Variants in SPATA17 observed in about 807,000 individuals in gnomAD.
SPATA17 encodes spermatogenesis-associated protein 17.
A neutral mutation model predicts 62.2 loss-of-function variants in SPATA17; 53 were observed. The ratio of observed to expected loss-of-function variants is 0.85; its 90% CI spans 0.68 to 1.07. The LOEUF (loss-of-function observed/expected upper bound fraction) is 1.07, where lower values mean the gene tolerates loss of function less well. Among genes scored for constraint, SPATA17 ranks in the 50% least tolerant of loss-of-function variants. The pLI, the probability that SPATA17 is intolerant of heterozygous loss-of-function variation, is 0.00. For synonymous variants in SPATA17, 146 were observed against 146.8 expected (o/e 0.99, Z 0.04); for missense variants, 466 against 425.5 (o/e 1.10, Z -0.84).
Position 217,742,066 on chromosome 1 carries a change from C to A in SPATA17, c.487C>A (p.Arg163=). ...REEKKRDYQA[R]KMHYLLSTKQ... ...AGAGAAGAAAAGAGATTACCAAGCC[C>A]GAAAGATGCATTACCTCCTCAGCAC... is the stretch of plus-strand genomic sequence containing the variant. The change falls in exon 6 of 11, where the codon CGA becomes AGA. Residue 163 remains arginine, a synonymous_variant. Transcript: ENST00000366933. The A allele has an allele frequency of 6.2e-7, 1 of 1,614,054 alleles. No homozygotes were observed.
At position 217,782,276 on chromosome 1, in the gene SPATA17, G is replaced by C; in HGVS notation, c.826G>C (p.Glu276Gln). Residue 276 changes from glutamate to glutamine, a missense_variant, in exon 8 of 11, where the codon GAG becomes CAG. Glu to Gln is a conservative substitution (Grantham distance 29, BLOSUM62 2). Coordinates refer to ENST00000366933, the MANE Select transcript of SPATA17 (RefSeq NM_138796.4). ...EPIDELKLAR[E>Q]ELRREEWLQN... The stretch of plus-strand genomic sequence containing the variant: ...AATCGATGAGTTAAAGTTGGCCAGA[G>C]AGGAGCTCAGAAGAGAGGAATGGCT... The C allele has an allele frequency of 1.2e-6, 2 of 1,612,396 alleles. No homozygotes were observed. Among genetic ancestry groups the C allele is most frequent in the Non-Finnish European group, 1.7e-6 (2 of 1,179,010 alleles).
chr1:217,636,213 A>C (rs1318607541), intron 1 of SPATA17, among the ~76,000 whole-genome samples: 2 of 152,104 alleles, frequency 1.3e-5, no homozygotes, highest in Non-Finnish European at 2.9e-5. Context: ...TAAATAAAAA[A>C]GTAACCTTTG....
chr1:217,740,472 T>A (rs1037404189), intron 5 of SPATA17, among the ~76,000 whole-genome samples: 2 of 152,214 alleles, frequency 1.3e-5, no homozygotes, highest in Non-Finnish European at 2.9e-5. Context: ...CCTTGAAATT[T>A]GTACTTTAAG....
chr1:217,813,953 T>C (rs570606797), intron 9 of SPATA17, among the ~76,000 whole-genome samples: 29 of 152,144 alleles, frequency 1.9e-4, no homozygotes, highest in African/African-American at 6.5e-4. Context: ...TTAAGATATA[T>C]ATATTTATGC....
At chr1:217,709,689 G>C (rs1170815043) in intron 5 of SPATA17, among the ~76,000 whole-genome samples, 2 of 152,162 alleles carry the variant, frequency 1.3e-5, no homozygotes, top group African/African-American at 2.4e-5. Context: ...ACCAGAGTGG[G>C]GATCATTGGA....
At chr1:217,698,369 G>A (rs942853455) in intron 5 of SPATA17, among the ~76,000 whole-genome samples, 1 of 152,010 alleles carries the variant, frequency 6.6e-6, no homozygotes, top group Admixed American at 6.6e-5. Context: ...GGGAGGCGGA[G>A]TTTGCAGTGA....
chr1:217,791,792 A>T (rs771893465), intron 8 of SPATA17, among the ~76,000 whole-genome samples: 15 of 152,214 alleles, frequency 9.9e-5, no homozygotes, highest in Admixed American at 2.0e-4. Flanking sequence ...GCTTGCAGTT[A>T]TCACTCTGTT....
At chr1:217,639,232 G>T (rs1245363321) in intron 1 of SPATA17, among the ~76,000 whole-genome samples, 1 of 152,042 alleles carries the variant, frequency 6.6e-6, no homozygotes, top group Non-Finnish European at 1.5e-5. Flanking sequence ...ATAGTTATTT[G>T]CCAAGGAAAT....
intron 6 of SPATA17, among the ~76,000 whole-genome samples, chr1:217,747,476 C>G (rs557957344): frequency 6.6e-6 from 1 of 151,916 alleles, no homozygotes; most frequent in Non-Finnish European, 1.5e-5. Context: ...ATTACAGACA[C>G]AAATGTAAAA....
At chr1:217,752,427 G>A (rs1672938576) in intron 6 of SPATA17, among the ~76,000 whole-genome samples, 1 of 152,098 alleles carries the variant, frequency 6.6e-6, no homozygotes, top group Non-Finnish European at 1.5e-5. Flanking sequence ...ATAGCATAGT[G>A]CTTTAATTAA....
intron 9 of SPATA17, among the ~76,000 whole-genome samples, chr1:217,832,564 T>C (rs1675169885): frequency 6.6e-6 from 1 of 152,130 alleles, no homozygotes; most frequent in African/African-American, 2.4e-5. Flanking sequence ...GCTACCATAT[T>C]AATATAAAGT....
intron 6 of SPATA17, among the ~76,000 whole-genome samples, chr1:217,749,493 A>G (rs1001578549): frequency 6.6e-6 from 1 of 151,748 alleles, no homozygotes; most frequent in African/African-American, 2.4e-5. Flanking sequence ...CAGACTTTAC[A>G]TTAAACGATC....
intron 5 of SPATA17, among the ~76,000 whole-genome samples, chr1:217,698,657 C>T (rs1671520440): frequency 6.6e-6 from 1 of 151,672 alleles, no homozygotes; most frequent in African/African-American, 2.4e-5. Context: ...ATATCACAGC[C>T]AGGATGTTGA....
chr1:217,856,309 C>T (rs1675784776), intron 9 of SPATA17, among the ~76,000 whole-genome samples: 1 of 152,146 alleles, frequency 6.6e-6, no homozygotes, highest in Non-Finnish European at 1.5e-5. Flanking sequence ...CATGGATAAA[C>T]TCATGTATTC....
intron 9 of SPATA17, among the ~76,000 whole-genome samples, chr1:217,813,786 A>G (rs576614426): frequency 6.2e-4 from 94 of 152,182 alleles, no homozygotes; most frequent in Non-Finnish European, 8.5e-4. Context: ...AATTTTTATT[A>G]TAAATCTATA....
chr1:217,713,192 T>A (rs901254762), intron 5 of SPATA17, among the ~76,000 whole-genome samples: 6 of 152,128 alleles, frequency 3.9e-5, no homozygotes, highest in Admixed American at 1.3e-4. Flanking sequence ...TTAGCATAGA[T>A]AATAATTCAG....
At chr1:217,731,411 C>T (rs797015246) in intron 5 of SPATA17, among the ~76,000 whole-genome samples, 5 of 152,226 alleles carry the variant, frequency 3.3e-5, no homozygotes, top group African/African-American at 1.2e-4. Context: ...TTCCCCAAAC[C>T]TCTTCCTCTT....
chr1:217,684,571 C>T (rs1260023626), intron 5 of SPATA17, among the ~76,000 whole-genome samples: 5 of 151,992 alleles, frequency 3.3e-5, no homozygotes, highest in Non-Finnish European at 5.9e-5. Context: ...CATGCCACCA[C>T]GCCCAGCTAA....
At chr1:217,652,350 G>A (rs1231362132) in intron 3 of SPATA17, among the ~76,000 whole-genome samples, 2 of 152,168 alleles carry the variant, frequency 1.3e-5, no homozygotes, top group Non-Finnish European at 2.9e-5. Flanking sequence ...TCCTGCCTTA[G>A]CTTTCTGAGT....
Sources: allele counts gnomAD v4.1 joint callset (sites outside exome capture counted in the v4.1 genomes callset), GRCh38; gene constraint gnomAD v4.1.1; transcripts MANE v1.5; gene names NCBI Gene and HGNC (gene_info 2026-07-23, HGNC 2026-07-21).